Variants in NCKAP5 observed in about 807,000 individuals in gnomAD.
NCKAP5 encodes the protein nck-associated protein 5.
NCKAP5 carries 92 observed loss-of-function variants against 167.0 expected under a neutral mutation model. The observed-to-expected ratio is 0.55, with a 90% CI of 0.47 to 0.66. The LOEUF (loss-of-function observed/expected upper bound fraction) is 0.66. NCKAP5 is among the 30% of genes least tolerant of loss of function. NCKAP5 has a pLI of 0.00. For synonymous variants in NCKAP5, 891 were observed against 877.4 expected, an observed-to-expected ratio of 1.02 and a Z score of -0.27; for missense variants, 2,378 against 2,315.0, an observed-to-expected ratio of 1.03 and a Z score of -0.56.
chr2:133,184,926 T>G (rs2084881867), intron 5 of NCKAP5, among the ~76,000 whole-genome samples: 1 of 152,202 alleles, frequency 6.6e-6, no homozygotes, highest in Non-Finnish European at 1.5e-5. Context: ...TTCTGTTTAC[T>G]CTGTTGAAAG....
intron 19 of NCKAP5, among the ~76,000 whole-genome samples, chr2:132,689,094 A>G (rs1250199800): frequency 6.6e-6 from 1 of 152,120 alleles, no homozygotes; most frequent in African/African-American, 2.4e-5. Context: ...AGGCAACAGA[A>G]CATCCCAGAT....
intron 11 of NCKAP5, among the ~76,000 whole-genome samples, chr2:132,857,821 C>T (rs980206920): frequency 6.6e-6 from 1 of 152,120 alleles, no homozygotes; most frequent in African/African-American, 2.4e-5. Context: ...CCATCATGGA[C>T]CTGGCTCCCT....
intron 11 of NCKAP5, among the ~76,000 whole-genome samples, chr2:132,857,057 TAGA>T (rs1482562181): frequency 6.6e-6 from 1 of 152,174 alleles, no homozygotes; most frequent in Non-Finnish European, 1.5e-5. Flanking sequence ...GTAAAGTTTG[TAGA>T]ATAGAGTCTG....
At chr2:132,956,255 T>C (rs1416644254) in intron 8 of NCKAP5, among the ~76,000 whole-genome samples, 1 of 152,182 alleles carries the variant, frequency 6.6e-6, no homozygotes, top group Non-Finnish European at 1.5e-5. Context: ...CAGTGAAAGC[T>C]TGTTGGGTTT....
intron 3 of NCKAP5, among the ~76,000 whole-genome samples, chr2:133,341,040 T>C (rs965141631): frequency 1.3e-5 from 2 of 152,208 alleles, no homozygotes; most frequent in Non-Finnish European, 2.9e-5. Flanking sequence ...TATTTACCTA[T>C]GACATTTTTT....
intron 4 of NCKAP5, among the ~76,000 whole-genome samples, chr2:133,281,226 A>G (rs1003527582): frequency 2.6e-5 from 4 of 152,242 alleles, no homozygotes; most frequent in African/African-American, 9.6e-5. Flanking sequence ...TAATTAAAAT[A>G]CAGTGCTCCT....
chr2:133,547,615 C>T (rs1308829238), intron 2 of NCKAP5, among the ~76,000 whole-genome samples: 1 of 151,434 alleles, frequency 6.6e-6, no homozygotes, highest in Admixed American at 6.6e-5. Context: ...CCAGCAGGGG[C>T]ACACTGACAC....
At chr2:133,224,977 C>T (rs141441604) in intron 4 of NCKAP5, among the ~76,000 whole-genome samples, 31 of 152,242 alleles carry the variant, frequency 2.0e-4, no homozygotes, top group South Asian at 4.1e-4. Context: ...TATGTTGCCA[C>T]GCTCTCTAAG....
chr2:133,455,257 A>C (rs1691778012), intron 3 of NCKAP5, among the ~76,000 whole-genome samples: 1 of 152,120 alleles, frequency 6.6e-6, no homozygotes, highest in African/African-American at 2.4e-5. Context: ...ATACATCTCG[A>C]TGAAGTTTAT....
chr2:132,679,205 C>T (rs1055422544), intron 19 of NCKAP5, among the ~76,000 whole-genome samples: 2 of 152,186 alleles, frequency 1.3e-5, no homozygotes, highest in African/African-American at 4.8e-5. Flanking sequence ...TAATTAGCAG[C>T]CCTGGGCTGG....
At chr2:133,271,506 T>C (rs1014898851) in intron 4 of NCKAP5, among the ~76,000 whole-genome samples, 53 of 152,288 alleles carry the variant, frequency 3.5e-4, no homozygotes, top group African/African-American at 1.3e-3. Flanking sequence ...GCCTTTGCTA[T>C]AATTCCCACC....
At chr2:133,012,332 C>G (rs1300313118) in intron 6 of NCKAP5, among the ~76,000 whole-genome samples, 1 of 152,150 alleles carries the variant, frequency 6.6e-6, no homozygotes, top group Non-Finnish European at 1.5e-5. Flanking sequence ...ACTGCAAGCT[C>G]TGCCTCCCAG....
At chr2:132,873,358 C>A (rs1690990921) in intron 9 of NCKAP5, among the ~76,000 whole-genome samples, 1 of 152,162 alleles carries the variant, frequency 6.6e-6, no homozygotes, top group Non-Finnish European at 1.5e-5. Flanking sequence ...CATGATCCGC[C>A]CGCCTCGGCC....
chr2:133,496,161 C>T (rs796074700), intron 3 of NCKAP5, among the ~76,000 whole-genome samples: 17 of 152,220 alleles, frequency 1.1e-4, no homozygotes, highest in African/African-American at 4.1e-4. Context: ...TGATTGATTA[C>T]GAAGGGATTA....
chr2:133,202,280 T>A (rs1461981807), intron 5 of NCKAP5, among the ~76,000 whole-genome samples: 1 of 152,114 alleles, frequency 6.6e-6, no homozygotes, highest in Non-Finnish European at 1.5e-5. Context: ...AAAGAAGAAA[T>A]GGGGAAAGGA....
chr2:132,692,899 G>A (rs148112311), intron 19 of NCKAP5, among the ~76,000 whole-genome samples: 169 of 152,270 alleles, frequency 1.1e-3, no homozygotes, highest in Non-Finnish European at 2.0e-3. Context: ...TATGTTCAGT[G>A]CACTTGGAAC....
intron 3 of NCKAP5, among the ~76,000 whole-genome samples, chr2:133,458,918 T>C (rs1559499134): frequency 6.6e-6 from 1 of 152,104 alleles, no homozygotes; most frequent in African/African-American, 2.4e-5. Flanking sequence ...CATTAGAAAA[T>C]CCTTAAAATG....
intron 6 of NCKAP5, among the ~76,000 whole-genome samples, chr2:133,041,084 T>C (rs148950868): frequency 1.4e-4 from 21 of 152,308 alleles, no homozygotes; most frequent in Non-Finnish European, 2.6e-4. Flanking sequence ...AAAAGGAGTT[T>C]TGCATACTTC....
At chr2:133,530,287 C>T (rs907925532) in intron 2 of NCKAP5, among the ~76,000 whole-genome samples, 1 of 151,872 alleles carries the variant, frequency 6.6e-6, no homozygotes, top group Non-Finnish European at 1.5e-5. Context: ...ATCTATGCAC[C>T]TGTCCTTGTG....
Sources: allele counts gnomAD v4.1 joint callset (sites outside exome capture counted in the v4.1 genomes callset), GRCh38; gene constraint gnomAD v4.1.1; transcripts MANE v1.5; gene names NCBI Gene and HGNC (gene_info 2026-07-23, HGNC 2026-07-21).